Variants in PTPRG observed in about 807,000 individuals in gnomAD.
The protein encoded by PTPRG is protein tyrosine phosphatase receptor type G.
PTPRG carries 102 observed loss-of-function variants against 165.3 expected under a neutral mutation model. That is an observed-to-expected ratio of 0.62 (90% CI 0.53 to 0.73). The LOEUF (loss-of-function observed/expected upper bound fraction) is 0.73, where lower values mean the gene tolerates loss of function less well. Ranked by LOEUF, PTPRG falls within the 30% of genes least tolerant of loss-of-function variation. PTPRG has a pLI of 0.00. For synonymous variants in PTPRG, 675 were observed against 669.5 expected (o/e 1.01, Z -0.13); for missense variants, 1,866 against 1,861.4 (o/e 1.00, Z -0.05).
chr3:61,646,585 G>T (rs1305403272), intron 1 of PTPRG, among the ~76,000 whole-genome samples: 1 of 152,120 alleles, frequency 6.6e-6, no homozygotes, highest in Non-Finnish European at 1.5e-5. Context: ...TCAAAACCAA[G>T]AAACTGACAT....
At chr3:62,188,892 G>A (rs908768658) in intron 8 of PTPRG, among the ~76,000 whole-genome samples, 4 of 152,098 alleles carry the variant, frequency 2.6e-5, no homozygotes, top group Admixed American at 6.5e-5. Context: ...TGTACATCTC[G>A]GTTCGTTATT....
intron 1 of PTPRG, among the ~76,000 whole-genome samples, chr3:61,702,525 G>T (rs1011665908): frequency 2.0e-5 from 3 of 152,230 alleles, no homozygotes; most frequent in East Asian, 1.9e-4. Context: ...TTATACACAC[G>T]TGTACACACA....
At chr3:61,693,685 G>T (rs1410992279) in intron 1 of PTPRG, among the ~76,000 whole-genome samples, 1 of 152,078 alleles carries the variant, frequency 6.6e-6, no homozygotes, top group Non-Finnish European at 1.5e-5. Flanking sequence ...CTGACTCCAG[G>T]CTTGTGTGTG....
At chr3:61,691,954 G>A (rs2030243200) in intron 1 of PTPRG, among the ~76,000 whole-genome samples, 1 of 152,200 alleles carries the variant, frequency 6.6e-6, no homozygotes, top group Admixed American at 6.5e-5. Flanking sequence ...ACGGGTCGAA[G>A]ACAAATACAT....
intron 1 of PTPRG, among the ~76,000 whole-genome samples, chr3:61,616,580 C>G (rs144774566): frequency 2.6e-5 from 4 of 152,154 alleles, no homozygotes; most frequent in African/African-American, 9.7e-5. Context: ...CCAACCTCCA[C>G]GCCAAGCCCT....
rs750697053 is a variant in PTPRG at position 61,746,208 on chromosome 3, A to ATTTTT, written c.86-2646_86-2642dup. Among the ~76,000 whole-genome samples the ATTTTT allele has an allele frequency of 2.1e-3, 167 of 81,314 alleles. 13 individuals are homozygous for ATTTTT. Among genetic ancestry groups the ATTTTT allele is most frequent in the African/African-American group, 6.1e-3 (113 of 18,600 alleles). 53.3% of individuals were successfully genotyped at this position (81,314 alleles called of 152,430 possible). On this transcript the variant is annotated intron_variant, in intron 1 of 29. Coordinates refer to ENST00000474889, the MANE Select transcript of PTPRG (RefSeq NM_002841.4). ...CAGGCGTGTGCCACCACACACTCTAATTTTTTTTTTTTTTTTTTTTTTTTT... is the reference window on the plus strand; with the variant it reads ...CAGGCGTGTGCCACCACACACTCTAATTTTTTTTTTTTTTTTTTTTTTTTTTTTTT...
chr3:61,826,601 A>AATGGCCAG (rs1188517910), intron 2 of PTPRG, among the ~76,000 whole-genome samples: 1 of 152,030 alleles, frequency 6.6e-6, no homozygotes, highest in Non-Finnish European at 1.5e-5. Flanking sequence ...AAAATGTAAG[A>AATGGCCAG]ATGGCCAGAT....
In PTPRG at chr3:62,271,311, CA is replaced by C; in HGVS notation, c.3010-71del. The C allele has an allele frequency of 2.3e-6, 3 of 1,323,558 alleles. No homozygotes were observed. Among genetic ancestry groups the C allele is most frequent in the Non-Finnish European group, 3.2e-6 (3 of 950,506 alleles). The allele number at this position is 1,323,558 out of a possible 1,614,324, so 82.0% of individuals were successfully genotyped here. On this transcript the variant is annotated intron_variant, in intron 20 of 29. Transcript: ENST00000474889. This position sits in a 1 kb window ranked among gnomAD's most constrained non-coding sequence, Gnocchi z 4.1. ...TGTGATCAGTGGTCATGTGTCCTGA[CA>C]CCCTTACATTATTTTTTTCCAGAAT... is the stretch of plus-strand genomic sequence containing the variant.
rs1031336013 is a variant in PTPRG at position 61,619,100 on chromosome 3, T to C, written c.85+56728T>C. On this transcript the variant is annotated intron_variant, in intron 1 of 29. Coordinates refer to ENST00000474889, the MANE Select transcript of PTPRG (RefSeq NM_002841.4). ...TGAGCCTGGGAGATCAAGGCTACAG[T>C]GAACCGTGATCATGCCACTGCATTC... 8.6e-5 allele frequency among the ~76,000 whole-genome samples: 13 copies of C among 151,768 alleles called. No individual in the cohort carries two copies. In the East Asian group the frequency reaches 2.5e-3, roughly 29 times the overall value.
At chr3:61,908,347 C>T (rs911545540) in intron 2 of PTPRG, among the ~76,000 whole-genome samples, 1 of 148,088 alleles carries the variant, frequency 6.8e-6, no homozygotes, top group Non-Finnish European at 1.5e-5. Flanking sequence ...ATCGCTTGAA[C>T]CTGGGAGGCG....
intron 4 of PTPRG, among the ~76,000 whole-genome samples, chr3:62,040,769 G>A (rs1356221033): frequency 6.6e-6 from 1 of 152,180 alleles, no homozygotes; most frequent in Non-Finnish European, 1.5e-5. Flanking sequence ...GGAAAATAGA[G>A]CACCGGAGTA....
intron 2 of PTPRG, among the ~76,000 whole-genome samples, chr3:61,944,621 C>T (rs1422056913): frequency 1.3e-5 from 2 of 152,070 alleles, no homozygotes; most frequent in South Asian, 2.1e-4. Flanking sequence ...AGTTCGAGAT[C>T]GTTGGATTCA....
chr3:62,054,246 C>T (rs1372136372), intron 4 of PTPRG, among the ~76,000 whole-genome samples: 2 of 152,214 alleles, frequency 1.3e-5, no homozygotes, highest in Non-Finnish European at 2.9e-5. Flanking sequence ...AGGACAAGGC[C>T]TGTCTGCCTT....
At chr3:61,762,653 G>C (rs1236826225) in intron 2 of PTPRG, among the ~76,000 whole-genome samples, 2 of 152,114 alleles carry the variant, frequency 1.3e-5, no homozygotes, top group African/African-American at 4.8e-5. Flanking sequence ...ATATTACTAG[G>C]ATTTTTCTCC....
chr3:62,201,640 A>G (rs1411462342), intron 11 of PTPRG, 86 bp downstream of exon 11: 9 of 1,380,070 alleles, frequency 6.5e-6, no homozygotes, highest in Non-Finnish European at 9.2e-6. Context: ...TGGCAGTATA[A>G]TGTTGTTAAA....
chr3:61,704,628 C>T (rs1053441695), intron 1 of PTPRG, among the ~76,000 whole-genome samples: 3 of 146,836 alleles, frequency 2.0e-5, no homozygotes, highest in East Asian at 4.2e-4. Flanking sequence ...GTTAAATTCT[C>T]TTCTAAATGC....
chr3:61,739,031 C>A (rs1357288735), intron 1 of PTPRG: 3 of 113,794 alleles, frequency 2.6e-5, no homozygotes, highest in Non-Finnish European at 5.0e-5. Context: ...TGCTTTGTTG[C>A]CTAGACTGGT....
chr3:62,083,834 A>G (rs905985394), intron 5 of PTPRG, among the ~76,000 whole-genome samples: 12 of 152,112 alleles, frequency 7.9e-5, no homozygotes, highest in African/African-American at 2.7e-4. Context: ...TAACCATGCA[A>G]CCTTCTTAAT....
At chr3:61,797,217 A>C (rs1314490174) in intron 2 of PTPRG, among the ~76,000 whole-genome samples, 1 of 152,230 alleles carries the variant, frequency 6.6e-6, no homozygotes, top group Non-Finnish European at 1.5e-5. Flanking sequence ...TAAACCATTT[A>C]ACAGATCTCA....
Sources: gnomAD v4.1 joint callset for allele counts (sites outside exome capture counted in the v4.1 genomes callset) on GRCh38, gnomAD v4.1.1 for gene constraint, Gnocchi (gnomAD v3.1) non-coding constraint, MANE v1.5 for transcripts, NCBI Gene and HGNC (gene_info 2026-07-23, HGNC 2026-07-21) for gene names.